The following CCDC146 variants were observed in gnomAD, a reference collection of about 807,000 sequenced individuals.
The protein encoded by CCDC146 is coiled-coil domain containing 146.
Under a neutral mutation model 119.3 loss-of-function variants are expected in CCDC146, and 92 were observed. That is an observed-to-expected ratio of 0.77 (90% CI 0.65 to 0.92). The LOEUF is 0.92. Among genes scored for constraint, CCDC146 ranks in the 40% least tolerant of loss-of-function variants. CCDC146 has a pLI of 0.00. For missense variants in CCDC146, 1,000 were observed against 1,103.0 expected (o/e 0.91, Z 1.32); for synonymous variants, 372 against 371.8 (o/e 1.00, Z -0.01).
rs541058195 is a variant in CCDC146 at position 77,256,921 on chromosome 7, T to C, written c.684+412T>C. On this transcript the variant is annotated intron_variant, in intron 6 of 18. Transcript: ENST00000285871. ...GAGTTCGAGACCAGCCTGGCCAACA[T>C]GGTGAAACCCTGTCTCTACTAAAAA... 1.0e-3 allele frequency among the ~76,000 whole-genome samples: 157 copies of C among 152,268 alleles called. 1 individual carries two copies. The highest frequency in any genetic ancestry group is 3.6e-3 in the African/African-American group (151 of 41,562).
chr7:77,277,517 T>C (rs1212809525), intron 11 of CCDC146, among the ~76,000 whole-genome samples: 2 of 152,200 alleles, frequency 1.3e-5, no homozygotes, highest in Non-Finnish European at 2.9e-5. Flanking sequence ...ACATTACCTG[T>C]ACTTAGCTGC....
At chr7:77,271,495 A>G (rs939453435) in intron 9 of CCDC146, among the ~76,000 whole-genome samples, 2 of 134,690 alleles carry the variant, frequency 1.5e-5, no homozygotes, top group African/African-American at 5.7e-5. Context: ...ATATATATAT[A>G]CACACACACT....
At chr7:77,284,485 C>A (rs548907802) in intron 15 of CCDC146, among the ~76,000 whole-genome samples, 34 of 152,038 alleles carry the variant, frequency 2.2e-4, no homozygotes, top group African/African-American at 7.7e-4. Flanking sequence ...TCCATCTTTG[C>A]CCATCCTAAA....
chr7:77,286,008 C>A (rs1362144269), intron 15 of CCDC146, among the ~76,000 whole-genome samples: 1 of 152,180 alleles, frequency 6.6e-6, no homozygotes, highest in Non-Finnish European at 1.5e-5. Flanking sequence ...TCTGTAACAA[C>A]CTGCAATGAA....
At chr7:77,274,789 A>T (rs1478190986) in intron 11 of CCDC146, 137 bp downstream of exon 11, 1 of 632,452 alleles carries the variant, frequency 1.6e-6, no homozygotes, top group Non-Finnish European at 2.7e-6. Context: ...CAAAAAACCA[A>T]ACATTGCATG....
rs1459956251 is a variant in CCDC146, at chr7:77,208,752, T to C, written c.157-28195T>C. 2.0e-5 allele frequency among the ~76,000 whole-genome samples: 3 copies of C among 152,304 alleles called. No homozygotes were observed. The East Asian group carries it at 5.8e-4, about 29-fold the overall frequency. ...AAGGGTCTCACTCTGTCACCCAGGC[T>C]GGAATGCAGTAGCATGATCACAGCA... is the stretch of plus-strand genomic sequence containing the variant. On this transcript the variant is annotated intron_variant, in intron 2 of 18. Transcript: ENST00000285871.
At chr7:77,222,230 T>C (rs1792418923) in intron 2 of CCDC146, among the ~76,000 whole-genome samples, 1 of 152,236 alleles carries the variant, frequency 6.6e-6, no homozygotes, top group African/African-American at 2.4e-5. Context: ...TTGTTCTTTT[T>C]TAAAGACTAC....
chr7:77,260,317 G>C (rs1793268470), intron 8 of CCDC146, 81 bp downstream of exon 8: 1 of 930,398 alleles, frequency 1.1e-6, no homozygotes, highest in Admixed American at 3.1e-5. Flanking sequence ...ATCTCACTTT[G>C]GTGTTGAGTT....
intron 10 of CCDC146, among the ~76,000 whole-genome samples, chr7:77,274,054 C>T (rs1336101382): frequency 6.6e-6 from 1 of 152,178 alleles, no homozygotes; most frequent in Non-Finnish European, 1.5e-5. Context: ...AAGTAAACCA[C>T]AGATGTTTTA....
chr7:77,174,330 G>A (rs1259106466), intron 2 of CCDC146, among the ~76,000 whole-genome samples: 1 of 152,152 alleles, frequency 6.6e-6, no homozygotes, highest in Non-Finnish European at 1.5e-5. Context: ...GCCCTTGAGA[G>A]GGTTGTGATG....
At chr7:77,192,789 G>A (rs972187011) in intron 2 of CCDC146, among the ~76,000 whole-genome samples, 2 of 152,070 alleles carry the variant, frequency 1.3e-5, no homozygotes, top group African/African-American at 4.8e-5. Context: ...TGGGCGAGGT[G>A]GCAGGCGTCT....
At chr7:77,209,281 GT>G (rs1177346668) in intron 2 of CCDC146, among the ~76,000 whole-genome samples, 1 of 152,210 alleles carries the variant, frequency 6.6e-6, no homozygotes, top group African/African-American at 2.4e-5. Flanking sequence ...CCAAAACAAA[GT>G]AGGTACAGGC....
At chr7:77,130,561 C>T (rs1304876394) in intron 1 of CCDC146, among the ~76,000 whole-genome samples, 1 of 151,770 alleles carries the variant, frequency 6.6e-6, no homozygotes, top group African/African-American at 2.4e-5. Context: ...TTTAACAGGA[C>T]CCAGAGCTTC....
intron 2 of CCDC146, among the ~76,000 whole-genome samples, chr7:77,191,950 AT>A (rs772595845): frequency 5.3e-5 from 8 of 151,124 alleles, no homozygotes; most frequent in African/African-American, 1.5e-4. Context: ...GATGATGATG[AT>A]TTTTTTTCTC....
At chr7:77,162,799 T>G (rs1791282295) in intron 1 of CCDC146, among the ~76,000 whole-genome samples, 1 of 152,032 alleles carries the variant, frequency 6.6e-6, no homozygotes, top group Non-Finnish European at 1.5e-5. Flanking sequence ...TATTTATGTC[T>G]AATTTCTTTC....
chr7:77,228,354 A>C (rs1174282375), intron 2 of CCDC146, among the ~76,000 whole-genome samples: 2 of 151,744 alleles, frequency 1.3e-5, no homozygotes, highest in East Asian at 3.9e-4. Context: ...GTTTCCCTCT[A>C]TGTGTCCATG....
At chr7:77,227,135 T>G (rs959295968) in intron 2 of CCDC146, among the ~76,000 whole-genome samples, 8 of 152,168 alleles carry the variant, frequency 5.3e-5, no homozygotes, top group African/African-American at 1.9e-4. Flanking sequence ...TATTCAGGTG[T>G]TTTACCCTGT....
intron 2 of CCDC146, among the ~76,000 whole-genome samples, chr7:77,200,883 G>GT (rs1194854603): frequency 5.9e-5 from 9 of 152,200 alleles, no homozygotes; most frequent in East Asian, 3.9e-4. Flanking sequence ...TTTAAAAAGG[G>GT]TTTTTTTGCT....
chr7:77,232,158 G>A (rs566859902), intron 2 of CCDC146, among the ~76,000 whole-genome samples: 5 of 152,158 alleles, frequency 3.3e-5, no homozygotes, highest in South Asian at 2.1e-4. Flanking sequence ...TGTTGCCCTC[G>A]GTCAGTCACT....
Sources: gnomAD v4.1 joint callset for allele counts (sites outside exome capture counted in the v4.1 genomes callset) on GRCh38, gnomAD v4.1.1 for gene constraint, MANE v1.5 for transcripts, NCBI Gene and HGNC (gene_info 2026-07-23, HGNC 2026-07-21) for gene names.